Variants in MTHFD1L observed in about 807,000 individuals in gnomAD.
MTHFD1L encodes the protein methylenetetrahydrofolate dehydrogenase (NADP+ dependent) 1 like, also known as monofunctional C1-tetrahydrofolate synthase, mitochondrial.
In MTHFD1L, 81 loss-of-function variants were observed where a neutral mutation model predicts 119.5. That is an observed-to-expected ratio of 0.68 (90% CI 0.57 to 0.82). The LOEUF (loss-of-function observed/expected upper bound fraction) is 0.82, where lower values mean the gene tolerates loss of function less well. MTHFD1L is among the 40% of genes least tolerant of loss of function. MTHFD1L has a pLI of 0.00. For synonymous variants in MTHFD1L, 430 were observed against 475.2 expected (o/e 0.90, Z 1.24); for missense variants, 1,125 against 1,253.4 (o/e 0.90, Z 1.55).
At chr6:150,976,123 C>T (rs548831014) in intron 20 of MTHFD1L, among the ~76,000 whole-genome samples, 40 of 152,148 alleles carry the variant, frequency 2.6e-4, no homozygotes, top group Non-Finnish European at 4.4e-4. Context: ...TCGCTTGAAC[C>T]CCAGGAGGCA....
At chr6:151,049,773 A>G (rs1375711160) in intron 26 of MTHFD1L, among the ~76,000 whole-genome samples, 1 of 152,240 alleles carries the variant, frequency 6.6e-6, no homozygotes, top group East Asian at 1.9e-4. Context: ...GTGTTATGAT[A>G]TATATTGATT....
intron 20 of MTHFD1L, among the ~76,000 whole-genome samples, chr6:150,979,005 C>T (rs1473668697): frequency 6.6e-6 from 1 of 152,092 alleles, no homozygotes; most frequent in African/African-American, 2.4e-5. Flanking sequence ...TTTGGGAGGC[C>T]GAGGTGGGTG....
rs1377270100 is a variant in MTHFD1L at position 150,916,467 on chromosome 6, A to ATTTTT, written c.893-2082_893-2078dup. Among the ~76,000 whole-genome samples the ATTTTT allele has an allele frequency of 6.4e-3, 249 of 38,894 alleles. 12 individuals carry two copies. Among genetic ancestry groups the ATTTTT allele is most frequent in the Middle Eastern group, 0.028 (1 of 36 alleles). The allele number at this position is 38,894 out of a possible 152,430, so 25.5% of individuals were successfully genotyped here. On this transcript the variant is annotated intron_variant, in intron 8 of 27. Transcript: ENST00000367321. ...AGGTGTGCACCACCACGCCCAGCTA[A>ATTTTT]TTTTTTTTTTTTTTTTTTTTTTTTT...
intron 26 of MTHFD1L, among the ~76,000 whole-genome samples, chr6:151,051,523 G>A (rs934145779): frequency 2.0e-5 from 3 of 152,140 alleles, no homozygotes; most frequent in Non-Finnish European, 2.9e-5. Flanking sequence ...GGATCTTTGC[G>A]CAGGAATAAC....
At chr6:151,094,744 A>G (rs1239938159) in intron 27 of MTHFD1L, among the ~76,000 whole-genome samples, 6 of 151,518 alleles carry the variant, frequency 4.0e-5, no homozygotes, top group Non-Finnish European at 7.4e-5. Flanking sequence ...GGGTTTCACC[A>G]TGTTGGCCAG....
chr6:150,926,160 T>C lies in MTHFD1L; in HGVS notation c.1121T>C (p.Val374Ala). ...TCAAGAGGACAAACTCCAAAAGCTG[T>C]GGATGTCCTTGCCAAGGAGATTGGA... The part of the protein sequence containing the change: ...EISRGQTPKA[V>A]DVLAKEIGLL... The change falls in exon 11 of 28, where the codon GTG (valine) becomes GCG (alanine). Residue 374 changes from valine to alanine, a missense_variant. Val to Ala is a moderately conservative substitution (Grantham distance 64). Coordinates refer to ENST00000367321, the MANE Select transcript of MTHFD1L (RefSeq NM_015440.5). The surrounding 1 kb of genome is among the most constrained non-coding windows in gnomAD (Gnocchi z 4.3). The C allele has an allele frequency of 6.2e-7, 1 of 1,614,066 alleles. No homozygotes were observed. Among genetic ancestry groups the C allele is most frequent in the Non-Finnish European group, 8.5e-7 (1 of 1,179,976 alleles).
chr6:151,077,181 T>C (rs1021074495), intron 26 of MTHFD1L, among the ~76,000 whole-genome samples: 1 of 151,988 alleles, frequency 6.6e-6, no homozygotes, highest in Non-Finnish European at 1.5e-5. Flanking sequence ...ACTGAAGGAC[T>C]CCCAAATCAA....
chr6:150,870,625 A>G (rs189979444), intron 1 of MTHFD1L, among the ~76,000 whole-genome samples: 2 of 152,202 alleles, frequency 1.3e-5, no homozygotes, highest in African/African-American at 4.8e-5. Flanking sequence ...AAAAACCCAT[A>G]TATAAGGCCG....
At chr6:150,882,391 A>G (rs1781520977) in intron 4 of MTHFD1L, among the ~76,000 whole-genome samples, 3 of 152,214 alleles carry the variant, frequency 2.0e-5, no homozygotes, top group Admixed American at 2.0e-4. Context: ...GAAAACTGGC[A>G]GTGTGTTTGG....
Position 150,926,390 on chromosome 6 carries a change from TTC to T in MTHFD1L, c.1256+98_1256+99del. ...TCCTCGTACCCCTCAATCCATCCTA[TTC>T]TCACATTTGACATTTCGTCCATTTC... On this transcript the variant is annotated intron_variant, in intron 11 of 27. Coordinates refer to ENST00000367321, the MANE Select transcript of MTHFD1L (RefSeq NM_015440.5). The surrounding 1 kb of genome is among the most constrained non-coding windows in gnomAD (Gnocchi z 4.3). 1 of 1,119,018 alleles carries T rather than the reference TTC, an allele frequency of 8.9e-7. No homozygotes were observed. Among genetic ancestry groups the T allele is most frequent in the East Asian group, 2.4e-5 (1 of 40,910 alleles). 69.3% of individuals were successfully genotyped at this position (1,119,018 alleles called of 1,614,324 possible).
At chr6:150,947,080 AG>A (rs1308902628) in intron 15 of MTHFD1L, among the ~76,000 whole-genome samples, 1 of 129,598 alleles carries the variant, frequency 7.7e-6, no homozygotes, top group East Asian at 2.1e-4. Context: ...ATCTCAAAAA[AG>A]AAAAAAAAAA....
intron 11 of MTHFD1L, among the ~76,000 whole-genome samples, chr6:150,927,726 G>A (rs1158542265): frequency 6.6e-6 from 1 of 151,866 alleles, no homozygotes; most frequent in African/African-American, 2.4e-5. Flanking sequence ...CAAAGTGCTG[G>A]GATTACAGGT....
At chr6:150,934,994 T>A (rs1266266658) in intron 11 of MTHFD1L, 46 of 1,598,220 alleles carry the variant, frequency 2.9e-5, no homozygotes, top group Non-Finnish European at 6.0e-6. Context: ...CAGACCAGAC[T>A]TCTATCCTGT....
At position 151,088,499 on chromosome 6, in the gene MTHFD1L, C is replaced by G. The variant is rs1794048598; in HGVS notation, c.2848-3968C>G. 3 of 152,154 alleles carry G rather than the reference C, an allele frequency of 2.0e-5. No individual in the cohort carries two copies. In the South Asian group the frequency reaches 6.2e-4, roughly 31 times the overall value. 9.4% of individuals were successfully genotyped at this position (152,154 alleles called of 1,614,324 possible). On this transcript the variant is annotated intron_variant, in intron 26 of 27. Coordinates refer to ENST00000367321, the MANE Select transcript of MTHFD1L (RefSeq NM_015440.5). ...TGAGACAGATTCTCTCTCTGTTGCC[C>G]AGGCTGGAGTGCATTGGTGCACTCT...
chr6:150,999,823 G>A (rs73618817), intron 20 of MTHFD1L, among the ~76,000 whole-genome samples: 3,464 of 152,228 alleles, frequency 0.023, 123 homozygotes, highest in African/African-American at 0.079. Flanking sequence ...ACAAAAGCAC[G>A]TCTAAGTGGT....
intron 12 of MTHFD1L, among the ~76,000 whole-genome samples, chr6:150,937,365 C>G (rs1210250385): frequency 6.6e-6 from 1 of 152,186 alleles, no homozygotes; most frequent in East Asian, 1.9e-4. Flanking sequence ...TGGAGACGGA[C>G]TGGCTGTGGA....
At chr6:151,069,251 TTC>T (rs371324778) in intron 26 of MTHFD1L, among the ~76,000 whole-genome samples, 5,959 of 136,616 alleles carry the variant, frequency 0.044, 180 homozygotes, top group Admixed American at 0.12. Context: ...TTCTCTCTCT[TTC>T]TCTCTCTCTC....
intron 20 of MTHFD1L, among the ~76,000 whole-genome samples, chr6:151,006,092 C>T (rs1029975348): frequency 1.2e-4 from 18 of 150,236 alleles, no homozygotes; most frequent in Admixed American, 1.1e-3. Flanking sequence ...ATGAATAAGG[C>T]GTGGTCCCGC....
chr6:151,090,677 G>A (rs946846008), intron 26 of MTHFD1L, among the ~76,000 whole-genome samples: 2 of 152,254 alleles, frequency 1.3e-5, no homozygotes, highest in Non-Finnish European at 2.9e-5. Context: ...ATGGGAAGAA[G>A]CAGGCAAACC....
Sources: allele counts gnomAD v4.1 joint callset (sites outside exome capture counted in the v4.1 genomes callset), GRCh38; gene constraint gnomAD v4.1.1; non-coding constraint Gnocchi (gnomAD v3.1); transcripts MANE v1.5; gene names NCBI Gene and HGNC (gene_info 2026-07-23, HGNC 2026-07-21).